Variants in MTMR9 observed in about 807,000 individuals in gnomAD.
MTMR9 encodes myotubularin related protein 9, also known as myotubularin-related protein 9.
A neutral mutation model predicts 69.5 loss-of-function variants in MTMR9; 39 were observed. The ratio of observed to expected loss-of-function variants is 0.56; its 90% CI spans 0.43 to 0.73. MTMR9 has a LOEUF of 0.73. Among genes scored for constraint, MTMR9 ranks in the 30% least tolerant of loss-of-function variants. The pLI, the probability that MTMR9 is intolerant of heterozygous loss-of-function variation, is 0.00. For missense variants in MTMR9, 900 were observed against 671.2 expected (o/e 1.34, Z -3.77); for synonymous variants, 354 against 240.8 (o/e 1.47, Z -4.35).
chr8:11,334,658 C>T, the MTMR9 span, among the ~76,000 whole-genome samples: 1 of 151,940 alleles, frequency 6.6e-6, no homozygotes, highest in Non-Finnish European at 1.5e-5. Flanking sequence ...CAGCAGAAGT[C>T]CTTATCAGTG....
At chr8:11,307,406 G>A (rs1353957091) in intron 5 of MTMR9, among the ~76,000 whole-genome samples, 1 of 152,072 alleles carries the variant, frequency 6.6e-6, no homozygotes, top group Non-Finnish European at 1.5e-5. Context: ...GTATTTTATT[G>A]TGTATTGTAC....
chr8:11,295,414 G>A (rs929742436), intron 2 of MTMR9, 112 bp downstream of exon 2: 51 of 710,264 alleles, frequency 7.2e-5, no homozygotes, highest in Non-Finnish European at 1.7e-5. Flanking sequence ...CTCAAATACT[G>A]AAGACTGATA....
At chr8:11,296,989 C>G (rs961362955) in intron 2 of MTMR9, among the ~76,000 whole-genome samples, 4 of 152,126 alleles carry the variant, frequency 2.6e-5, no homozygotes, top group African/African-American at 7.2e-5. Flanking sequence ...TCCATTCTAA[C>G]CAACTATTTT....
In MTMR9 at chr8:11,284,850, C is replaced by T. The variant is rs7838894; in HGVS notation, c.-39C>T. 5.5e-4 allele frequency: 852 copies of T among 1,556,104 alleles called. 9 individuals are homozygous for T. The African/African-American group carries it at 0.011, about 21-fold the overall frequency. ...CTGCGGCGGGGTAACCGCCTCGCAC[C>T]TACCGGGCTCGGTTCCCTGGCTCCG... On this transcript the variant is annotated 5_prime_UTR_variant, in exon 1 of 10. Transcript: ENST00000221086.
chr8:11,336,988 C>G, the MTMR9 span, among the ~76,000 whole-genome samples: 1 of 152,096 alleles, frequency 6.6e-6, no homozygotes, highest in Non-Finnish European at 1.5e-5. Context: ...TAATAGCAAG[C>G]CAGAAGCTGT....
intron 1 of MTMR9, among the ~76,000 whole-genome samples, chr8:11,292,511 CTG>C (rs1799408508): frequency 6.6e-6 from 1 of 152,170 alleles, no homozygotes; most frequent in Admixed American, 6.5e-5. Flanking sequence ...TTGCTATGGT[CTG>C]TCTTTTAAAT....
chr8:11,322,841 C>A lies in MTMR9; in HGVS notation c.*53C>A. ...CCTTCTTGGGCCTGTGTCCGCCGTT[C>A]TCTCCTTGTGCCCTTCAGTTCACTT... On this transcript the variant is annotated 3_prime_UTR_variant, in exon 10 of 10. Coordinates refer to ENST00000221086, the MANE Select transcript of MTMR9 (RefSeq NM_015458.4). 1.3e-6 allele frequency: 2 copies of A among 1,542,502 alleles called. No homozygotes were observed. Among genetic ancestry groups the A allele is most frequent in the South Asian group, 1.2e-5 (1 of 82,354 alleles).
In MTMR9 at chr8:11,304,917, C is replaced by A. The variant is rs1354064221; in HGVS notation, c.494C>A (p.Pro165His). ...TCTTACCCACCAATTGTCACAGTGC[C>A]CAAATCCATCGATGATGAAGCTCTT... Reference protein sequence around the residue: ...CPSYPPIVTVPKSIDDEALRK... With the variant: ...CPSYPPIVTVHKSIDDEALRK... The change falls in exon 4 of 10, where the codon CCC (proline) becomes CAC (histidine). Residue 165 changes from proline (P) to histidine (H), a missense_variant. Coordinates refer to ENST00000221086, the MANE Select transcript of MTMR9 (RefSeq NM_015458.4). The A allele has an allele frequency of 6.2e-7, 1 of 1,614,048 alleles. No individual in the cohort carries two copies. The highest frequency in any genetic ancestry group is 1.1e-5 in the South Asian group (1 of 91,072).
the MTMR9 span, among the ~76,000 whole-genome samples, chr8:11,336,538 G>C: frequency 6.6e-6 from 1 of 152,214 alleles, no homozygotes; most frequent in African/African-American, 2.4e-5. Context: ...TTCCAATCTT[G>C]TTCTTTACAA....
At chr8:11,330,865 A>G (rs537828762), downstream of MTMR9, 248 of 738,516 alleles carry the variant, frequency 3.4e-4, 1 homozygote, top group Middle Eastern at 7.9e-4. Flanking sequence ...CTATTGTCCT[A>G]TGACCCTGCC....
chr8:11,330,038 G>A (rs539064487), downstream of MTMR9, among the ~76,000 whole-genome samples: 222 of 150,306 alleles, frequency 1.5e-3, 1 homozygote, highest in African/African-American at 3.9e-3. Context: ...CACCCCGCCC[G>A]GCAGCCGCCC....
At position 11,322,878 on chromosome 8, in the gene MTMR9, C is replaced by T. The variant is rs992647550; in HGVS notation, c.*90C>T. On this transcript the variant is annotated 3_prime_UTR_variant, in exon 10 of 10. Transcript: ENST00000221086. ...CCTTCAGTTCACTTTTACACGGTAG[C>T]CTTGAAGTGAAGGCTTTAGATGTGG... 1.6e-6 allele frequency: 2 copies of T among 1,235,636 alleles called. No individual in the cohort carries two copies. Among genetic ancestry groups the T allele is most frequent in the Non-Finnish European group, 2.3e-6 (2 of 884,536 alleles). The allele number at this position is 1,235,636 out of a possible 1,614,324, so 76.5% of individuals were successfully genotyped here.
At chr8:11,309,492 G>A (rs775349458) in intron 5 of MTMR9, 35 bp from the exon 6 acceptor site, 3 of 1,553,390 alleles carry the variant, frequency 1.9e-6, no homozygotes, top group South Asian at 2.4e-5. Flanking sequence ...TCTATTTTCT[G>A]GGTTTGTTAT....
chr8:11,336,375 G>T, the MTMR9 span, among the ~76,000 whole-genome samples: 1 of 152,196 alleles, frequency 6.6e-6, no homozygotes, highest in Admixed American at 6.5e-5. Flanking sequence ...TGACCCATAG[G>T]CTGTGTCAAC....
intron 5 of MTMR9, among the ~76,000 whole-genome samples, chr8:11,309,292 G>C (rs1345384389): frequency 6.6e-6 from 1 of 152,186 alleles, no homozygotes; most frequent in African/African-American, 2.4e-5. Flanking sequence ...TGTGAACTGG[G>C]TTTAATCTGT....
At chr8:11,330,357 G>T, downstream of MTMR9, among the ~76,000 whole-genome samples, 2 of 151,662 alleles carry the variant, frequency 1.3e-5, no homozygotes, top group East Asian at 2.0e-4. Context: ...GCCTCTGCCC[G>T]GCTGCCCCTT....
chr8:11,302,430 C>T (rs1171098843), intron 3 of MTMR9, among the ~76,000 whole-genome samples: 1 of 151,788 alleles, frequency 6.6e-6, no homozygotes, highest in Non-Finnish European at 1.5e-5. Context: ...AATCTTTAGA[C>T]ATGTTGTTGT....
At chr8:11,333,960 G>A in the MTMR9 span, among the ~76,000 whole-genome samples, 2 of 152,178 alleles carry the variant, frequency 1.3e-5, no homozygotes, top group African/African-American at 2.4e-5. Flanking sequence ...CCATTATCAT[G>A]GGAGTGAGTT....
chr8:11,296,349 G>A (rs1480973956), intron 2 of MTMR9, among the ~76,000 whole-genome samples: 1 of 152,032 alleles, frequency 6.6e-6, no homozygotes. Context: ...CCATTTGAGG[G>A]TCCTCTGTCA....
Sources: allele counts gnomAD v4.1 joint callset (sites outside exome capture counted in the v4.1 genomes callset), GRCh38; gene constraint gnomAD v4.1.1; transcripts MANE v1.5; gene names NCBI Gene and HGNC (gene_info 2026-07-23, HGNC 2026-07-21).